SPTBN5: variants seen among roughly 807,000 people sequenced by gnomAD.
The protein encoded by SPTBN5 is spectrin beta chain, non-erythrocytic 5.
A neutral mutation model predicts 477.6 loss-of-function variants in SPTBN5; 513 were observed. That is an observed-to-expected ratio of 1.07 (90% CI 1.00 to 1.16). The LOEUF is 1.16. Ranked by LOEUF, SPTBN5 falls within the 50% of genes most tolerant of loss-of-function variation. The pLI, the probability that SPTBN5 is intolerant of heterozygous loss-of-function variation, is 0.00. For missense variants in SPTBN5, 5,062 were observed against 4,731.8 expected, an observed-to-expected ratio of 1.07 and a Z score of -2.05; for synonymous variants, 2,169 against 2,011.7, an observed-to-expected ratio of 1.08 and a Z score of -2.09.
At chr15:41,868,659 C>T in intron 32 of SPTBN5, 58 bp from the exon 33 acceptor site, 1 of 1,560,924 alleles carries the variant, frequency 6.4e-7, no homozygotes, top group Non-Finnish European at 8.7e-7. Flanking sequence ...CAGCAGGAAA[C>T]CAGGTGCTGA....
Position 41,883,082 on chromosome 15 carries a change from G to A in SPTBN5, c.1806C>T (p.Ser602=), listed in dbSNP as rs758143155. The A allele has an allele frequency of 5.6e-6, 9 of 1,599,422 alleles. No individual in the cohort carries two copies. The East Asian group carries it at 1.6e-4, about 28-fold the overall frequency. ...LAQQTAELDS[S]LGTSVEVLQA... ...GCAGCACCTCCACACTGGTGCCCAG[G>A]GAGGAGTCCAGCTCTGCTGTCTGCT... The change falls in exon 9 of 68, where the codon TCC becomes TCT. Residue 602 remains serine, a synonymous_variant. Coordinates refer to ENST00000320955, the MANE Select transcript of SPTBN5 (RefSeq NM_016642.4).
intron 17 of SPTBN5, among the ~76,000 whole-genome samples, chr15:41,877,748 C>T (rs1451464104): frequency 6.6e-6 from 1 of 152,256 alleles, no homozygotes; most frequent in South Asian, 2.1e-4. Context: ...AGCAAGGCTC[C>T]ACTTCCTCTG....
In SPTBN5 at chr15:41,882,474, C is replaced by T; in HGVS notation, c.2047-5G>A. 1.9e-6 allele frequency: 3 copies of T among 1,554,884 alleles called. No homozygotes were observed. Among genetic ancestry groups the T allele is most frequent in the Non-Finnish European group, 2.6e-6 (3 of 1,155,754 alleles). On this transcript the variant is annotated splice_polypyrimidine_tract_variant and splice_region_variant and intron_variant, in intron 10 of 67. Coordinates refer to ENST00000320955, the MANE Select transcript of SPTBN5 (RefSeq NM_016642.4). ...GTGGACCTCAGCTTCCAGGGCCTAG[C>T]GGGGGGCAGAGCAGGGGGCTCAGTG...
Position 41,882,358 on chromosome 15 carries a change from C to T in SPTBN5, c.2158G>A (p.Ala720Thr). The T allele has an allele frequency of 6.5e-7, 1 of 1,535,762 alleles. No homozygotes were observed. The highest frequency in any genetic ancestry group is 2.4e-5 in the East Asian group (1 of 40,880). ...TGCCACCCTCCCTGAACGGCCTCTGCCCGTTCCCCGGGATCCGGCTGCGTT... is the reference window on the plus strand; with the variant it reads ...TGCCACCCTCCCTGAACGGCCTCTGTCCGTTCCCCGGGATCCGGCTGCGTT... ...PPTQPDPGERAEAVQGGWQLL... is the reference protein window; with the variant it reads ...PPTQPDPGERTEAVQGGWQLL... The change falls in exon 11 of 68, where the codon GCA (alanine) becomes ACA (threonine). Residue 720 changes from alanine to threonine, a missense_variant. Physicochemically the swap from Ala to Thr is moderately conservative, Grantham distance 58. Transcript: ENST00000320955.
chr15:41,893,728 A>C lies in SPTBN5; in HGVS notation c.-50+171T>G, dbSNP rs1327783135. Reference sequence around the variant, plus strand: ...AATGGCCCAGGGCCCCCTTTGCCCCACCCCACCTTCCAGATTCTTCTTCTC... The same window carrying C: ...AATGGCCCAGGGCCCCCTTTGCCCCCCCCCACCTTCCAGATTCTTCTTCTC... On this transcript the variant is annotated intron_variant, in intron 1 of 67. Coordinates refer to ENST00000320955, the MANE Select transcript of SPTBN5 (RefSeq NM_016642.4). The C allele has an allele frequency of 4.4e-6, 3 of 681,644 alleles. No individual in the cohort carries two copies. The African/African-American group carries it at 5.4e-5, about 12-fold the overall frequency. The allele number at this position is 681,644 out of a possible 1,614,324, so 42.2% of individuals were successfully genotyped here.
At chr15:41,882,527 GC>G in intron 10 of SPTBN5, 57 bp downstream of exon 10, 1 of 1,582,054 alleles carries the variant, frequency 6.3e-7, no homozygotes. Context: ...GGGGCCGGGG[GC>G]CCGAGAGGGA....
At chr15:41,850,328 C>T (rs1023187243) in intron 66 of SPTBN5, 10 of 283,632 alleles carry the variant, frequency 3.5e-5, no homozygotes, top group African/African-American at 2.1e-4. Context: ...ATTCCCTGAA[C>T]ACACGGTCCA....
At chr15:41,885,250 C>G (rs1296081745) in intron 7 of SPTBN5, among the ~76,000 whole-genome samples, 3 of 152,196 alleles carry the variant, frequency 2.0e-5, no homozygotes, top group African/African-American at 7.2e-5. Context: ...TCTTGAGCTC[C>G]TGACCTCAGG....
chr15:41,876,451 C>A, intron 20 of SPTBN5, 97 bp downstream of exon 20: 1 of 1,346,142 alleles, frequency 7.4e-7, no homozygotes. Flanking sequence ...AATGACATAG[C>A]GCGTGAGGAA....
In SPTBN5 at chr15:41,862,595, G is replaced by A; in HGVS notation, c.7329C>T (p.His2443=). 1 of 1,559,388 alleles carries A rather than the reference G, an allele frequency of 6.4e-7. No individual in the cohort carries two copies. The highest frequency in any genetic ancestry group is 8.7e-7 in the Non-Finnish European group (1 of 1,152,482). ...RSPEAAHGLR[H]RQQEVAESWW... Reference sequence around the variant, plus strand: ...AGCTCTCAGCCACCTCCTGCTGCCTGTGCCTGAGGCCGTGGGCTGCCTCGG... The same window carrying A: ...AGCTCTCAGCCACCTCCTGCTGCCTATGCCTGAGGCCGTGGGCTGCCTCGG... Residue 2443 remains histidine, a synonymous_variant, in exon 43 of 68, where the codon CAC becomes CAT. Transcript: ENST00000320955.
At chr15:41,867,871 T>C (rs1485438920) in intron 34 of SPTBN5, among the ~76,000 whole-genome samples, 198 bp downstream of exon 34, 4 of 152,170 alleles carry the variant, frequency 2.6e-5, no homozygotes, top group African/African-American at 4.8e-5. Flanking sequence ...CGGGGCTCAG[T>C]CTGGGATAGG....
Position 41,878,530 on chromosome 15 carries a change from C to T in SPTBN5, c.3282G>A (p.Arg1094=), listed in dbSNP as rs766764808. 6.2e-7 allele frequency: 1 copy of T among 1,613,032 alleles called. No homozygotes were observed. The highest frequency in any genetic ancestry group is 1.7e-5 in the Admixed American group (1 of 59,972). ...LKQVQEQVAQ[R]ARRQAETQAR... ...CCTGAGTCTCAGCCTGGCGCCGGGC[C>T]CGTTGGGCCACTTGTTCCTGTACTT... is the stretch of plus-strand genomic sequence containing the variant. Residue 1094 remains arginine, a synonymous_variant, in exon 17 of 68, where the codon CGG becomes CGA. Coordinates refer to ENST00000320955, the MANE Select transcript of SPTBN5 (RefSeq NM_016642.4).
rs2065725263 is a variant in SPTBN5, at chr15:41,850,758, G to A, written c.10921+96C>T. 53 of 1,092,320 alleles carry A rather than the reference G, an allele frequency of 4.9e-5. 1 individual carries two copies. The South Asian group carries it at 8.2e-4, about 17-fold the overall frequency. 67.7% of individuals were successfully genotyped at this position (1,092,320 alleles called of 1,614,324 possible). On this transcript the variant is annotated intron_variant, in intron 66 of 67. Transcript: ENST00000320955. Reference sequence around the variant, plus strand: ...TTCTTGGAGGTTAGAGATGCTAACTGTGAAACCTCCCTAGGATGCATAAAA... The same window carrying A: ...TTCTTGGAGGTTAGAGATGCTAACTATGAAACCTCCCTAGGATGCATAAAA...
At chr15:41,863,247 C>T (rs1284343119) in intron 41 of SPTBN5, among the ~76,000 whole-genome samples, 1 of 152,234 alleles carries the variant, frequency 6.6e-6, no homozygotes, top group Non-Finnish European at 1.5e-5. Flanking sequence ...GAGGAAACAG[C>T]CAGGCATGCC....
Position 41,892,812 on chromosome 15 carries a change from C to T in SPTBN5, c.384+82G>A, listed in dbSNP as rs145983652. Reference sequence around the variant, plus strand: ...TCCTCTGTTCTGCCCAGTGGCCTGGCGCAGGAAAGGTGACCCAGTAGTTCA... The same window carrying T: ...TCCTCTGTTCTGCCCAGTGGCCTGGTGCAGGAAAGGTGACCCAGTAGTTCA... On this transcript the variant is annotated intron_variant, in intron 3 of 67. Transcript: ENST00000320955. 5.1e-4 allele frequency: 746 copies of T among 1,459,856 alleles called. 1 individual carries two copies. The highest frequency in any genetic ancestry group is 6.5e-4 in the Non-Finnish European group (717 of 1,096,904). The allele number at this position is 1,459,856 out of a possible 1,614,324, so 90.4% of individuals were successfully genotyped here. A position where few individuals can be genotyped will look rare whatever the true frequency, so the allele number is the denominator to read the frequency against.
chr15:41,879,616 C>T (rs1037308660), intron 15 of SPTBN5, 117 bp from the exon 16 acceptor site: 1 of 1,566,316 alleles, frequency 6.4e-7, no homozygotes, highest in Non-Finnish European at 8.6e-7. Context: ...TTGCCCCTTC[C>T]CTGTGCCTCG....
chr15:41,863,997 T>G lies in SPTBN5; in HGVS notation c.6946A>C (p.Ser2316Arg). 1 of 1,613,596 alleles carries G rather than the reference T, an allele frequency of 6.2e-7. No homozygotes were observed. Among genetic ancestry groups the G allele is most frequent in the Non-Finnish European group, 8.5e-7 (1 of 1,179,846 alleles). The change falls in exon 40 of 68, where the codon AGC becomes CGC. Residue 2316 changes from serine to arginine, a missense_variant. Transcript: ENST00000320955. ...AGCTGCAGTGACAAGTCACTGATGCTCCTGATGCAGGCATCACCCACTGTG... is the reference window on the plus strand; with the variant it reads ...AGCTGCAGTGACAAGTCACTGATGCGCCTGATGCAGGCATCACCCACTGTG... Reference protein sequence around the residue: ...GDTVGDACIRSISDLSLQLKN... With the variant: ...GDTVGDACIRRISDLSLQLKN...
intron 57 of SPTBN5, 125 bp downstream of exon 57, chr15:41,853,925 G>A (rs996488225): frequency 7.0e-7 from 1 of 1,438,500 alleles, no homozygotes; most frequent in Non-Finnish European, 9.2e-7. Context: ...GGCCCCTCGG[G>A]GAAGGATCTG....
Position 41,893,008 on chromosome 15 carries a change from G to A in SPTBN5, c.270C>T (p.Leu90=). ...LYTELADGIH[L]LRLLELISGE... ...CTGAGATGAGCTCCAGCAGCCGCAG[G>A]AGGTGGATGCCGTCAGCCAGCTCTG... The change falls in exon 3 of 68, where the codon CTC becomes CTT. Residue 90 remains leucine (L), a synonymous_variant. Transcript: ENST00000320955. The A allele has an allele frequency of 6.2e-7, 1 of 1,611,158 alleles. No individual in the cohort carries two copies. The highest frequency in any genetic ancestry group is 8.5e-7 in the Non-Finnish European group (1 of 1,179,772).
Sources: gnomAD v4.1 joint callset for allele counts (sites outside exome capture counted in the v4.1 genomes callset) on GRCh38, gnomAD v4.1.1 for gene constraint, MANE v1.5 for transcripts, NCBI Gene and HGNC (gene_info 2026-07-23, HGNC 2026-07-21) for gene names.